The following FKBP15 variants were observed in gnomAD, a reference collection of about 807,000 sequenced individuals.
FKBP15 encodes the protein FKBP prolyl isomerase family member 15.
A neutral mutation model predicts 158.1 loss-of-function variants in FKBP15; 106 were observed. The observed-to-expected ratio is 0.67, with a 90% confidence interval of 0.57 to 0.79. The LOEUF (loss-of-function observed/expected upper bound fraction) is 0.79. Ranked by LOEUF, FKBP15 falls within the 30% of genes least tolerant of loss-of-function variation. FKBP15 has a pLI of 0.00. For synonymous variants in FKBP15, 547 were observed against 548.6 expected, an observed-to-expected ratio of 1.00 and a Z score of 0.04; for missense variants, 1,287 against 1,479.1, an observed-to-expected ratio of 0.87 and a Z score of 2.13.
chr9:113,178,659 TG>T lies in FKBP15; in HGVS notation c.2056del (p.Gln686SerfsTer37). ...GAGCTTTGCCTGCACTTTGGTGAGC[TG>T]GCCCCTGAGAAGATCTGTCTCCTTC... ...SLKETDLLRGQLTKVQAKLSE... is the reference protein window; with the variant it reads ...SLKETDLLRGXLTKVQAKLSE... On this transcript the variant is annotated frameshift_variant, in exon 20 of 28. Transcript: ENST00000238256. LOFTEE classifies it high-confidence loss of function. 1 of 1,610,454 alleles carries T rather than the reference TG, an allele frequency of 6.2e-7. No homozygotes were observed. The highest frequency in any genetic ancestry group is 8.5e-7 in the Non-Finnish European group (1 of 1,178,614).
intron 9 of FKBP15, 79 bp downstream of exon 9, chr9:113,196,853 A>G (rs554222986): frequency 2.0e-6 from 3 of 1,508,462 alleles, no homozygotes; most frequent in Admixed American, 4.3e-5. Flanking sequence ...AAGTATCTTC[A>G]TTTATTTATT....
At position 113,198,185 on chromosome 9, in the gene FKBP15, G is replaced by C. The variant is rs1236316000; in HGVS notation, c.717+670C>G. ...CCTTCTACAGTGATTGGAAAGTGCT[G>C]ATTCAAAGCAATCCAGACAGATGAG... On this transcript the variant is annotated intron_variant, in intron 8 of 27. Coordinates refer to ENST00000238256, the MANE Select transcript of FKBP15 (RefSeq NM_015258.2). This position sits in a 1 kb window ranked among gnomAD's most constrained non-coding sequence, Gnocchi z 5.2. 2.0e-5 allele frequency among the ~76,000 whole-genome samples: 3 copies of C among 152,200 alleles called. No individual in the cohort carries two copies. Among genetic ancestry groups the C allele is most frequent in the African/African-American group, 2.4e-5 (1 of 41,452 alleles).
rs45623732 is a variant in FKBP15, at chr9:113,206,582, T to C, written c.255-4A>G. 276,890 of 1,611,108 alleles carry C rather than the reference T, an allele frequency of 0.17. 25,767 individuals are homozygous for C. The highest frequency in any genetic ancestry group is 0.19 in the Non-Finnish European group (220,619 of 1,177,342). ...CTTTACATATTGACCATTTGTGCTA[T>C]AAAAGGAAGAGAAACAACAAGTATT... On this transcript the variant is annotated splice_region_variant and splice_polypyrimidine_tract_variant and intron_variant, in intron 3 of 27. Coordinates refer to ENST00000238256, the MANE Select transcript of FKBP15 (RefSeq NM_015258.2).
rs1196629656 is a variant in FKBP15, at chr9:113,188,419, G to A, written c.1246C>T (p.His416Tyr). Residue 416 changes from histidine (H) to tyrosine (Y), a missense_variant, in exon 13 of 28, where the codon CAT (histidine) becomes TAT (tyrosine). Transcript: ENST00000238256. ...PSVQPSLHPA[H>Y]PALPQMTSQA... ...GAGGTCATCTGTGGTAACGCTGGATGGGCCGGATGAAGAGAGGGCTGGACG... is the reference window on the plus strand; with the variant it reads ...GAGGTCATCTGTGGTAACGCTGGATAGGCCGGATGAAGAGAGGGCTGGACG... 6.2e-7 allele frequency: 1 copy of A among 1,613,948 alleles called. No individual in the cohort carries two copies. Among genetic ancestry groups the A allele is most frequent in the Non-Finnish European group, 8.5e-7 (1 of 1,179,864 alleles).
At chr9:113,200,077 T>C (rs188523684) in intron 6 of FKBP15, 114 bp from the exon 7 acceptor site, 1 of 1,231,384 alleles carries the variant, frequency 8.1e-7, no homozygotes, top group Non-Finnish European at 1.1e-6. Flanking sequence ...ACAGATTACA[T>C]GTTTAGAAGT....
At chr9:113,194,787 G>T (rs1830639291) in intron 9 of FKBP15, among the ~76,000 whole-genome samples, 1 of 151,950 alleles carries the variant, frequency 6.6e-6, no homozygotes, top group Non-Finnish European at 1.5e-5. Context: ...TAACTTCAAG[G>T]GTCAGCCCTT....
rs1172924902 is a variant in FKBP15 at position 113,169,874 on chromosome 9, T to TTC, written c.2833_2834dup (p.Glu946LysfsTer28). On this transcript the variant is annotated frameshift_variant, in exon 26 of 28. Transcript: ENST00000238256. LOFTEE classifies it high-confidence loss of function. ...TTCGTGGCCGCTCTTCTGCTTTTTCTTCTTCTTCTTCACTGCTGCTCTCTT... is the reference window on the plus strand; with the variant it reads ...TTCGTGGCCGCTCTTCTGCTTTTTCTTCTCTTCTTCTTCACTGCTGCTCTCTT... The TTC allele has an allele frequency of 2.1e-5, 33 of 1,550,738 alleles. No homozygotes were observed. The highest frequency in any genetic ancestry group is 2.6e-5 in the Non-Finnish European group (30 of 1,147,040).
rs1462835692 is a variant in FKBP15, at chr9:113,163,032, C to T, written c.*3046G>A. The T allele has an allele frequency of 9.4e-7, 1 of 1,064,350 alleles. No homozygotes were observed. Among genetic ancestry groups the T allele is most frequent in the Non-Finnish European group, 1.3e-6 (1 of 778,312 alleles). 65.9% of individuals were successfully genotyped at this position (1,064,350 alleles called of 1,614,324 possible). On this transcript the variant is annotated 3_prime_UTR_variant, in exon 28 of 28. Coordinates refer to ENST00000238256, the MANE Select transcript of FKBP15 (RefSeq NM_015258.2). The stretch of plus-strand genomic sequence containing the variant: ...GCTATTCCTCCACCTTATTCCCAGC[C>T]CCTGGAAACTTTGAGCTGAAGCCAG...
chr9:113,206,475 T>A (rs998316740), intron 4 of FKBP15, 34 bp downstream of exon 4: 1 of 1,578,332 alleles, frequency 6.3e-7, no homozygotes, highest in Non-Finnish European at 8.7e-7. Context: ...ATTTGGGACA[T>A]CTGAATATAC....
chr9:113,161,105 G>GAGATGGTTTGCTGAGATAAC lies in FKBP15; in HGVS notation c.*4972_*4973insGTTATCTCAGCAAACCATCT, dbSNP rs1830005031. ...TTAGGCAAGAACATAAAAACCACCT[G>GAGATGGTTTGCTGAGATAAC]TATCCTACTTTGCTGAGATAACTAT... On this transcript the variant is annotated 3_prime_UTR_variant, in exon 28 of 28. Transcript: ENST00000238256. The GAGATGGTTTGCTGAGATAAC allele has an allele frequency of 6.2e-6, 1 of 162,422 alleles. No individual in the cohort carries two copies. Among genetic ancestry groups the GAGATGGTTTGCTGAGATAAC allele is most frequent in the African/African-American group, 2.4e-5 (1 of 41,662 alleles). The allele number at this position is 162,422 out of a possible 1,614,324, so 10.1% of individuals were successfully genotyped here. A position where few individuals can be genotyped will look rare whatever the true frequency, so the allele number is the denominator to read the frequency against.
chr9:113,171,732 T>C (rs565166037), intron 23 of FKBP15, 26 bp from the exon 24 acceptor site: 2 of 1,357,576 alleles, frequency 1.5e-6, no homozygotes, highest in African/African-American at 2.2e-5. Context: ...ACTGTGGCTG[T>C]GGCCTCAGGA....
Position 113,171,639 on chromosome 9 carries a change from T to C in FKBP15, c.2600A>G (p.Glu867Gly). Residue 867 changes from glutamate (E) to glycine (G), a missense_variant, in exon 24 of 28, where the codon GAG becomes GGG. Transcript: ENST00000238256. Reference sequence around the variant, plus strand: ...CCCAGACATCTGGGACTTGTTCTTCTCTAGTTCCTTGATGTGCTGTTCATT... The same window carrying C: ...CCCAGACATCTGGGACTTGTTCTTCCCTAGTTCCTTGATGTGCTGTTCATT... ...KQNEQHIKEL[E>G]KNKSQMSGVE... is the part of the protein sequence containing the mutation. 1 of 1,604,772 alleles carries C rather than the reference T, an allele frequency of 6.2e-7. No homozygotes were observed. The highest frequency in any genetic ancestry group is 2.2e-5 in the East Asian group (1 of 44,676).
At chr9:113,194,692 T>C (rs1309518657) in intron 9 of FKBP15, among the ~76,000 whole-genome samples, 2 of 152,186 alleles carry the variant, frequency 1.3e-5, no homozygotes, top group African/African-American at 2.4e-5. Flanking sequence ...GTAACCTGTT[T>C]TGCTCACTCA....
In FKBP15 at chr9:113,187,868, T is replaced by G. The variant is rs1277810721; in HGVS notation, c.1308A>C (p.Ala436=). 1.9e-6 allele frequency: 3 copies of G among 1,613,730 alleles called. No individual in the cohort carries two copies. Among genetic ancestry groups the G allele is most frequent in the Non-Finnish European group, 2.5e-6 (3 of 1,179,860 alleles). Residue 436 remains alanine (A), a synonymous_variant, in exon 14 of 28, where the codon GCA becomes GCC. Transcript: ENST00000238256. ...APQPSVTGLQ[A]PSAALMQVSS... is the part of the protein sequence containing the mutation. The stretch of plus-strand genomic sequence containing the variant: ...ACACTTGCATTAAGGCAGCAGAAGG[T>G]GCCTGGAGCCCAGTAACAGATGGCT...
At chr9:113,181,314 G>A (rs1830391604) in intron 19 of FKBP15, among the ~76,000 whole-genome samples, 2 of 152,088 alleles carry the variant, frequency 1.3e-5, no homozygotes, top group African/African-American at 4.8e-5. Flanking sequence ...TCAGGGGCTG[G>A]CAAACTATGA....
intron 10 of FKBP15, 87 bp downstream of exon 10, chr9:113,193,940 G>A: frequency 1.4e-6 from 2 of 1,397,040 alleles, no homozygotes; most frequent in Non-Finnish European, 1.9e-6. Context: ...AATTATTTTA[G>A]TTTTTAACTA....
At chr9:113,203,817 G>A (rs544434012) in intron 4 of FKBP15, among the ~76,000 whole-genome samples, 19 of 152,124 alleles carry the variant, frequency 1.2e-4, no homozygotes, top group East Asian at 7.7e-4. Flanking sequence ...GTGAGCCACC[G>A]CACCCAGACA....
intron 1 of FKBP15, among the ~76,000 whole-genome samples, chr9:113,213,276 G>A (rs1831051105): frequency 6.6e-6 from 1 of 152,070 alleles, no homozygotes; most frequent in African/African-American, 2.4e-5. Context: ...GGGCGTGGTG[G>A]CACGCACCTG....
Position 113,202,984 on chromosome 9 carries a change from T to A in FKBP15, c.376A>T (p.Ile126Phe). ...ACCATTAGCTCAAAGTTCACATGAA[T>A]CCTAGCAACCGTAACTGGCTGTTGT... is the stretch of plus-strand genomic sequence containing the variant. ...SQQQPVTVARIHVNFELMVRP... is the reference protein window; with the variant it reads ...SQQQPVTVARFHVNFELMVRP... Residue 126 changes from isoleucine (I) to phenylalanine (F), a missense_variant, in exon 5 of 28, where the codon ATT becomes TTT. Physicochemically the swap from Ile to Phe is conservative, Grantham distance 21. Coordinates refer to ENST00000238256, the MANE Select transcript of FKBP15 (RefSeq NM_015258.2). 2 of 1,612,806 alleles carry A rather than the reference T, an allele frequency of 1.2e-6. No individual in the cohort carries two copies. The highest frequency in any genetic ancestry group is 1.7e-6 in the Non-Finnish European group (2 of 1,179,500).
Sources: gnomAD v4.1 joint callset for allele counts (sites outside exome capture counted in the v4.1 genomes callset) on GRCh38, gnomAD v4.1.1 for gene constraint, Gnocchi (gnomAD v3.1) non-coding constraint, MANE v1.5 for transcripts, NCBI Gene and HGNC (gene_info 2026-07-23, HGNC 2026-07-21) for gene names.